TBC1D5: variants seen among roughly 807,000 people sequenced by gnomAD.
TBC1D5 encodes the protein TBC1 domain family, member 5.
Under a neutral mutation model 100.3 loss-of-function variants are expected in TBC1D5, and 75 were observed. That is an observed-to-expected ratio of 0.75 (90% confidence interval 0.62 to 0.91). The LOEUF is 0.91. Ranked by LOEUF, TBC1D5 falls within the 40% of genes least tolerant of loss-of-function variation. The pLI, the probability that TBC1D5 is intolerant of heterozygous loss-of-function variation, is 0.00. For synonymous variants in TBC1D5, 323 were observed against 325.6 expected, an observed-to-expected ratio of 0.99 and a Z score of 0.09; for missense variants, 910 against 942.4, an observed-to-expected ratio of 0.97 and a Z score of 0.45.
chr3:17,644,173 A>G (rs1372489796), intron 1 of TBC1D5: 1 of 152,150 alleles, frequency 6.6e-6, no homozygotes, highest in Non-Finnish European at 1.5e-5. Context: ...TCACAAAAGG[A>G]AAGCCCATCA....
intron 13 of TBC1D5, among the ~76,000 whole-genome samples, chr3:17,342,500 T>C (rs1349752055): frequency 6.6e-6 from 1 of 152,196 alleles, no homozygotes; most frequent in African/African-American, 2.4e-5. Flanking sequence ...CAGTATGTAA[T>C]AGGTACCAAA....
At chr3:17,217,698 C>T (rs1269893830) in intron 17 of TBC1D5, among the ~76,000 whole-genome samples, 2 of 152,030 alleles carry the variant, frequency 1.3e-5, no homozygotes, top group East Asian at 1.9e-4. Context: ...AAATCTTTTG[C>T]CCATTTAAAA....
chr3:17,284,246 T>C (rs982636611), intron 15 of TBC1D5, among the ~76,000 whole-genome samples: 7 of 152,102 alleles, frequency 4.6e-5, no homozygotes, highest in Non-Finnish European at 1.0e-4. Context: ...GCCTCCCAAG[T>C]AGCTGAGATT....
intron 14 of TBC1D5, among the ~76,000 whole-genome samples, chr3:17,295,768 ACTTT>A (rs1389809446): frequency 4.6e-5 from 7 of 152,172 alleles, no homozygotes; most frequent in African/African-American, 1.2e-4. Flanking sequence ...CTCTATACAG[ACTTT>A]CTTTAATTTC....
chr3:17,486,929 T>C (rs1576306803), intron 3 of TBC1D5, among the ~76,000 whole-genome samples: 1 of 152,148 alleles, frequency 6.6e-6, no homozygotes, highest in African/African-American at 2.4e-5. Flanking sequence ...CTAGTGGTGG[T>C]TTTTTAGGAT....
chr3:17,473,370 A>G (rs2095402943), intron 3 of TBC1D5, among the ~76,000 whole-genome samples: 1 of 152,226 alleles, frequency 6.6e-6, no homozygotes, highest in South Asian at 2.1e-4. Context: ...TGTGACTTTG[A>G]TAGGAGATTA....
chr3:17,464,214 C>T (rs897932893), intron 3 of TBC1D5, among the ~76,000 whole-genome samples: 2 of 152,096 alleles, frequency 1.3e-5, no homozygotes, highest in African/African-American at 2.4e-5. Flanking sequence ...CCCGTCTCGG[C>T]CTCCCAAAGT....
intron 3 of TBC1D5, among the ~76,000 whole-genome samples, chr3:17,471,670 C>CAAAAAA (rs753132440): frequency 9.0e-5 from 2 of 22,308 alleles, no homozygotes; most frequent in Admixed American, 4.2e-4. Flanking sequence ...GACTCCGTCT[C>CAAAAAA]AAAAAAAAAA....
At chr3:17,488,807 C>A (rs1482864735) in intron 3 of TBC1D5, among the ~76,000 whole-genome samples, 1 of 151,908 alleles carries the variant, frequency 6.6e-6, no homozygotes, top group African/African-American at 2.4e-5. Flanking sequence ...CCAGGCCACA[C>A]AATAGGAAGT....
intron 1 of TBC1D5, among the ~76,000 whole-genome samples, chr3:17,631,053 A>AG (rs2063465224): frequency 7.0e-6 from 1 of 143,324 alleles, no homozygotes; most frequent in East Asian, 2.3e-4. Context: ...CAAAAAAAAA[A>AG]AAAAAAAAAG....
At chr3:17,297,443 G>T (rs1045848154) in intron 14 of TBC1D5, among the ~76,000 whole-genome samples, 1 of 152,008 alleles carries the variant, frequency 6.6e-6, no homozygotes, top group African/African-American at 2.4e-5. Flanking sequence ...GGGCATGGTG[G>T]TGGGCGCCTG....
chr3:17,213,461 A>C (rs1185059661), intron 18 of TBC1D5, among the ~76,000 whole-genome samples: 1 of 152,172 alleles, frequency 6.6e-6, no homozygotes, highest in Non-Finnish European at 1.5e-5. Context: ...TCCTTTTGAG[A>C]AATGTATATA....
intron 1 of TBC1D5, among the ~76,000 whole-genome samples, chr3:17,721,541 C>A (rs1273948813): frequency 6.6e-6 from 1 of 151,796 alleles, no homozygotes; most frequent in African/African-American, 2.4e-5. Flanking sequence ...TTTCATCTTG[C>A]CTTCATGCCA....
intron 3 of TBC1D5, among the ~76,000 whole-genome samples, chr3:17,455,711 A>G (rs2095069043): frequency 1.3e-5 from 2 of 151,946 alleles, no homozygotes; most frequent in Admixed American, 1.3e-4. Context: ...GTCATGGTGC[A>G]CACTTGTAGT....
At chr3:17,542,273 A>G (rs2096366172) in intron 2 of TBC1D5, among the ~76,000 whole-genome samples, 1 of 152,240 alleles carries the variant, frequency 6.6e-6, no homozygotes, top group Admixed American at 6.5e-5. Flanking sequence ...CCTGGGCAAC[A>G]GAGCAAGACT....
intron 2 of TBC1D5, among the ~76,000 whole-genome samples, chr3:17,545,595 T>C (rs1190172545): frequency 1.3e-5 from 2 of 152,228 alleles, no homozygotes; most frequent in East Asian, 3.8e-4. Context: ...GCCTTCAAGG[T>C]ACTTACAGTC....
At chr3:17,306,683 A>C (rs1192359641) in intron 14 of TBC1D5, among the ~76,000 whole-genome samples, 1 of 152,188 alleles carries the variant, frequency 6.6e-6, no homozygotes, top group Non-Finnish European at 1.5e-5. Flanking sequence ...AATTACAGAA[A>C]ATCATAATAC....
chr3:17,168,421 C>A (rs2066854212), intron 19 of TBC1D5, among the ~76,000 whole-genome samples: 1 of 152,148 alleles, frequency 6.6e-6, no homozygotes, highest in African/African-American at 2.4e-5. Context: ...AGTCTTTCCT[C>A]CAGGCCTGAT....
chr3:17,238,098 C>T, intron 17 of TBC1D5, 65 bp downstream of exon 17: 1 of 1,540,728 alleles, frequency 6.5e-7, no homozygotes, highest in Non-Finnish European at 8.7e-7. Flanking sequence ...TCCTCACAGG[C>T]AGGTGAAGAA....
Sources: gnomAD v4.1 joint callset for allele counts (sites outside exome capture counted in the v4.1 genomes callset) on GRCh38, gnomAD v4.1.1 for gene constraint, MANE v1.5 for transcripts, NCBI Gene and HGNC (gene_info 2026-07-23, HGNC 2026-07-21) for gene names.